Variants in LOC101059915 observed in about 807,000 individuals in gnomAD.
At chrX:71,667,825 T>C in the LOC101059915 span, 1 of 1,072,911 alleles carries the variant, frequency 9.3e-7, no homozygotes, top group Non-Finnish European at 1.2e-6. Context: ...GGATGAAGTG[T>C]CCGTTTGCAG....
chrX:71,668,595 C>T, the LOC101059915 span: 2 of 1,093,750 alleles, frequency 1.8e-6, no homozygotes, highest in East Asian at 6.7e-5. Context: ...CTCTCCTGAT[C>T]TCTCCTCCCC....
the LOC101059915 span, chrX:71,670,678 G>C: frequency 5.7e-4 from 635 of 1,114,345 alleles, 3 homozygotes; most frequent in African/African-American, 0.011. Flanking sequence ...GCACTGGCTG[G>C]GGCAGGGATG....
chrX:71,667,859 G>A, the LOC101059915 span: 1 of 1,096,487 alleles, frequency 9.1e-7, no homozygotes, highest in Non-Finnish European at 1.2e-6. Flanking sequence ...CCAGAGGGTG[G>A]CGAGCAGGCC....
the LOC101059915 span, chrX:71,668,128 C>T: frequency 6.2e-6 from 7 of 1,136,621 alleles, no homozygotes; most frequent in African/African-American, 1.3e-4. Flanking sequence ...GGCTGATGAG[C>T]CAGCCACCAT....
At chrX:71,668,663 TGAA>T in the LOC101059915 span, 6 of 1,076,133 alleles carry the variant, frequency 5.6e-6, no homozygotes, top group South Asian at 1.5e-4. Flanking sequence ...GTGCCTTCCT[TGAA>T]GAAAATGCAG....
At chrX:71,668,447 G>A in the LOC101059915 span, 4 of 1,162,029 alleles carry the variant, frequency 3.4e-6, no homozygotes, top group South Asian at 7.7e-5. Flanking sequence ...GATGAGAGCA[G>A]CGACTTACCG....
At chrX:71,667,932 T>G in the LOC101059915 span, 1 of 1,140,489 alleles carries the variant, frequency 8.8e-7, no homozygotes, top group Non-Finnish European at 1.2e-6. Flanking sequence ...ACCTCAATTT[T>G]GGGGGGCAGC....
the LOC101059915 span, chrX:71,668,019 A>G: frequency 1.7e-6 from 2 of 1,165,902 alleles, no homozygotes; most frequent in Non-Finnish European, 2.3e-6. Flanking sequence ...CTGAGAGCGA[A>G]TTGATAGAGC....
chrX:71,668,559 G>T, the LOC101059915 span: 1 of 1,122,444 alleles, frequency 8.9e-7, no homozygotes, highest in Non-Finnish European at 1.2e-6. Flanking sequence ...TCCACCGCAG[G>T]GAGAGTTACC....
At chrX:71,668,499 C>A in the LOC101059915 span, 1 of 1,150,617 alleles carries the variant, frequency 8.7e-7, no homozygotes, top group Admixed American at 2.8e-5. Context: ...GAAGCCAGGC[C>A]AAGCCCGGAA....
At chrX:71,670,996 T>C in the LOC101059915 span, 4 of 752,882 alleles carry the variant, frequency 5.3e-6, no homozygotes, top group Non-Finnish European at 6.3e-6. Flanking sequence ...CTTTGAAACA[T>C]GTTCTGAACG....
At chrX:71,671,197 T>C in the LOC101059915 span, 14 of 1,163,765 alleles carry the variant, frequency 1.2e-5, no homozygotes, top group Non-Finnish European at 1.5e-5. Context: ...GTTCTGTCTC[T>C]CTGTTTCAGC....
chrX:71,668,925 G>A, the LOC101059915 span: 2 of 1,142,037 alleles, frequency 1.8e-6, no homozygotes, highest in Non-Finnish European at 2.3e-6. Flanking sequence ...TGAGACCCAA[G>A]GAGCCCAAGC....
At chrX:71,670,684 G>A in the LOC101059915 span, 1 of 1,115,771 alleles carries the variant, frequency 9.0e-7, no homozygotes, top group Non-Finnish European at 1.2e-6. Context: ...GCTGGGGCAG[G>A]GATGGACAGC....
chrX:71,670,842 A>G, the LOC101059915 span: 3 of 752,139 alleles, frequency 4.0e-6, no homozygotes, highest in African/African-American at 2.3e-5. Flanking sequence ...ACAGACAGCA[A>G]TGTGTCGTCT....
chrX:71,670,675 C>T, the LOC101059915 span: 19 of 1,113,839 alleles, frequency 1.7e-5, 1 homozygote, highest in Non-Finnish European at 2.2e-5. Context: ...GGAGCACTGG[C>T]TGGGGCAGGG....
At chrX:71,669,564 C>G in the LOC101059915 span, 1 of 959,942 alleles carries the variant, frequency 1.0e-6, no homozygotes, top group Non-Finnish European at 1.3e-6. Flanking sequence ...TTTAGCTTCC[C>G]ACACAGAAGC....
the LOC101059915 span, among the ~76,000 whole-genome samples, chrX:71,669,386 A>G: frequency 4.5e-5 from 5 of 110,882 alleles, no homozygotes; most frequent in African/African-American, 1.3e-4. Context: ...AGACTCATCA[A>G]CTTCCCAATT....
At chrX:71,667,989 C>T in the LOC101059915 span, 20 of 1,164,333 alleles carry the variant, frequency 1.7e-5, no homozygotes, top group Non-Finnish European at 2.1e-5. Context: ...TCACAGATCC[C>T]GAGAGCTTCA....
Sources: allele counts gnomAD v4.1 joint callset (sites outside exome capture counted in the v4.1 genomes callset), GRCh38; gene constraint gnomAD v4.1.1; transcripts MANE v1.5.